Variants in PATJ observed in about 807,000 individuals in gnomAD.
The protein encoded by PATJ is PATJ crumbs cell polarity complex component.
A neutral mutation model predicts 224.9 loss-of-function variants in PATJ; 190 were observed. The ratio of observed to expected loss-of-function variants is 0.84; its 90% CI spans 0.75 to 0.95. The LOEUF is 0.95. PATJ is among the 40% of genes least tolerant of loss of function. PATJ has a pLI of 0.00. For synonymous variants in PATJ, 769 were observed against 820.3 expected (o/e 0.94, Z 1.07); for missense variants, 2,121 against 2,270.3 (o/e 0.93, Z 1.34).
intron 6 of PATJ, among the ~76,000 whole-genome samples, chr1:61,772,745 G>C (rs1338042719): frequency 2.0e-5 from 3 of 152,112 alleles, no homozygotes; most frequent in African/African-American, 4.8e-5. Context: ...GTCAGGTTTG[G>C]ATGCATTCAA....
intron 41 of PATJ, among the ~76,000 whole-genome samples, chr1:62,131,871 TA>T (rs552323131): frequency 4.0e-3 from 335 of 83,266 alleles, no homozygotes; most frequent in South Asian, 8.4e-3. Context: ...AATGAATTAT[TA>T]TTTTTTTTTT....
Position 61,763,148 on chromosome 1 carries a change from T to C in PATJ, c.158T>C (p.Leu53Pro), listed in dbSNP as rs776281512. 10 of 1,598,160 alleles carry C rather than the reference T, an allele frequency of 6.3e-6. No homozygotes were observed. In the East Asian group the frequency reaches 2.3e-4, roughly 36 times the overall value. ...KSPLFNQILT[L>P]QQSIKQLKGQ... ...CCTCTCTTCAACCAGATACTCACAC[T>C]TCAGCAGTCCATCAAGCAACTGAAG... is the stretch of plus-strand genomic sequence containing the variant. The change falls in exon 3 of 44, where the codon CTT becomes CCT. Residue 53 changes from leucine to proline, a missense_variant. Transcript: ENST00000642238.
In PATJ at chr1:61,890,832, C is replaced by G. The variant is rs770828435; in HGVS notation, c.3131+6424C>G. Among the ~76,000 whole-genome samples, 38 of 152,030 alleles carry G rather than the reference C, an allele frequency of 2.5e-4. 1 individual carries two copies. The highest frequency in any genetic ancestry group is 4.7e-4 in the Non-Finnish European group (32 of 68,014). On this transcript the variant is annotated intron_variant, in intron 22 of 43. Coordinates refer to ENST00000642238, the MANE Select transcript of PATJ (RefSeq NM_001350145.3). ...TTAAAGTACATGTAAAACATTTATA[C>G]AATTTTATTTGTCAACTAAAAGTCA...
intron 27 of PATJ, among the ~76,000 whole-genome samples, chr1:61,951,856 G>A (rs1313366457): frequency 1.3e-5 from 2 of 152,124 alleles, no homozygotes; most frequent in African/African-American, 4.8e-5. Context: ...CCTCACTTTG[G>A]ACAGGCTAAA....
chr1:62,107,872 T>C (rs1326403155), intron 33 of PATJ, among the ~76,000 whole-genome samples: 1 of 152,202 alleles, frequency 6.6e-6, no homozygotes, highest in African/African-American at 2.4e-5. Flanking sequence ...TCAGAGGAAT[T>C]AATTGCCCAA....
chr1:61,768,815 G>A (rs766941215), intron 4 of PATJ, among the ~76,000 whole-genome samples: 3 of 151,858 alleles, frequency 2.0e-5, no homozygotes, highest in African/African-American at 2.4e-5. Context: ...CAGGAGGATC[G>A]CTTGAGCCCA....
intron 27 of PATJ, chr1:61,952,435 AT>A: frequency 1.4e-6 from 1 of 717,276 alleles, no homozygotes; most frequent in Non-Finnish European, 2.6e-6. Flanking sequence ...TGCCTGTGTG[AT>A]CTGTGGTTCT....
chr1:61,806,645 A>G (rs1328067020), intron 13 of PATJ, among the ~76,000 whole-genome samples: 2 of 151,844 alleles, frequency 1.3e-5, no homozygotes, highest in Non-Finnish European at 2.9e-5. Flanking sequence ...AGATGAGTCA[A>G]TACAATTCAC....
chr1:61,745,837 C>T (rs1438035076), intron 1 of PATJ, among the ~76,000 whole-genome samples: 1 of 151,934 alleles, frequency 6.6e-6, no homozygotes, highest in African/African-American at 2.4e-5. Context: ...CTCCTGACCT[C>T]AGGCGATCCA....
In PATJ at chr1:62,067,123, C is replaced by CTT. The variant is rs11381578; in HGVS notation, c.4126-12307_4126-12306dup. On this transcript the variant is annotated intron_variant, in intron 31 of 43. Transcript: ENST00000642238. ...GCCCCTCTCATAATTCCTATTCTTTCTTTTTTTTTTTTTTTTTTTTTGAGA... is the reference window on the plus strand; with the variant it reads ...GCCCCTCTCATAATTCCTATTCTTTCTTTTTTTTTTTTTTTTTTTTTTTGAGA... 2.4e-3 allele frequency among the ~76,000 whole-genome samples: 278 copies of CTT among 116,400 alleles called. 4 individuals are homozygous for CTT. The highest frequency in any genetic ancestry group is 8.5e-3 in the East Asian group (31 of 3,626). The allele number at this position is 116,400 out of a possible 152,430, so 76.4% of individuals were successfully genotyped here. A position where few individuals can be genotyped will look rare whatever the true frequency, so the allele number is the denominator to read the frequency against.
rs899746902 is a variant in PATJ at position 62,018,193 on chromosome 1, A to G, written c.3959+246A>G. On this transcript the variant is annotated intron_variant, in intron 29 of 43. Coordinates refer to ENST00000642238, the MANE Select transcript of PATJ (RefSeq NM_001350145.3). The surrounding 1 kb of genome is among the most constrained non-coding windows in gnomAD (Gnocchi z 4.2). ...AGTATTTATATTTCAGTTATAAAAC[A>G]TTCTTCCCTTTCTGGATCCATTTTT... Among the ~76,000 whole-genome samples the G allele has an allele frequency of 2.0e-5, 3 of 152,244 alleles. No individual in the cohort carries two copies. Among genetic ancestry groups the G allele is most frequent in the African/African-American group, 7.2e-5 (3 of 41,462 alleles).
At chr1:62,005,163 G>A (rs1378189227) in intron 28 of PATJ, among the ~76,000 whole-genome samples, 2 of 150,772 alleles carry the variant, frequency 1.3e-5, no homozygotes, top group Non-Finnish European at 2.9e-5. Flanking sequence ...TTGAGACATA[G>A]TTTCACCTGT....
intron 30 of PATJ, 43 bp from the exon 31 acceptor site, chr1:62,050,923 T>G: frequency 7.0e-7 from 1 of 1,434,852 alleles, no homozygotes; most frequent in Non-Finnish European, 9.8e-7. Flanking sequence ...GGAGTGTAAG[T>G]GAAGAATGAC....
chr1:61,880,952 G>A lies in PATJ; in HGVS notation c.2960-3285G>A, dbSNP rs144223761. ...CTACTAAAAATACAAAAATTAGCCG[G>A]GCATGGTGGCACACACCTGTAATCT... On this transcript the variant is annotated intron_variant, in intron 21 of 43. Coordinates refer to ENST00000642238, the MANE Select transcript of PATJ (RefSeq NM_001350145.3). 5.7e-4 allele frequency among the ~76,000 whole-genome samples: 86 copies of A among 152,152 alleles called. 2 individuals are homozygous for A. In the East Asian group the frequency reaches 0.014, roughly 25 times the overall value.
At chr1:61,869,316 C>A (rs186531770) in intron 20 of PATJ, among the ~76,000 whole-genome samples, 1 of 151,784 alleles carries the variant, frequency 6.6e-6, no homozygotes, top group South Asian at 2.1e-4. Context: ...CCGTTTTAGC[C>A]GGGATGGTCT....
chr1:61,879,733 C>T (rs1187781915), intron 21 of PATJ, among the ~76,000 whole-genome samples: 3 of 151,888 alleles, frequency 2.0e-5, no homozygotes, highest in Admixed American at 1.3e-4. Context: ...TCTTTTTCAT[C>T]AAGCCTCCTC....
intron 17 of PATJ, among the ~76,000 whole-genome samples, chr1:61,850,396 A>G (rs2148881655): frequency 6.6e-6 from 1 of 152,352 alleles, no homozygotes; most frequent in Non-Finnish European, 1.5e-5. Flanking sequence ...CACCAAATGA[A>G]TGGATTCTTG....
intron 34 of PATJ, among the ~76,000 whole-genome samples, chr1:62,113,660 G>C (rs932780703): frequency 1.3e-5 from 2 of 151,978 alleles, no homozygotes; most frequent in Admixed American, 6.6e-5. Context: ...ATAAATGAGA[G>C]TGAAGATGTC....
intron 33 of PATJ, among the ~76,000 whole-genome samples, chr1:62,104,510 T>C (rs765315047): frequency 2.4e-4 from 36 of 152,128 alleles, no homozygotes; most frequent in Non-Finnish European, 3.7e-4. Flanking sequence ...CACAGCTTCA[T>C]AGACTACAGG....
Sources: allele counts gnomAD v4.1 joint callset (sites outside exome capture counted in the v4.1 genomes callset), GRCh38; gene constraint gnomAD v4.1.1; non-coding constraint Gnocchi (gnomAD v3.1); transcripts MANE v1.5; gene names NCBI Gene and HGNC (gene_info 2026-07-23, HGNC 2026-07-21).